The following PCLO variants were observed in gnomAD, a reference collection of about 807,000 sequenced individuals.
PCLO encodes piccolo presynaptic cytomatrix protein.
PCLO carries 82 observed loss-of-function variants against 427.5 expected under a neutral mutation model. The observed-to-expected ratio is 0.19, with a 90% CI of 0.16 to 0.23. The LOEUF (loss-of-function observed/expected upper bound fraction) is 0.23. Among genes scored for constraint, PCLO ranks in the 10% least tolerant of loss-of-function variants. PCLO has a pLI of 1.00. For missense variants in PCLO, 6,239 were observed against 6,115.9 expected (o/e 1.02, Z -0.67); for synonymous variants, 2,357 against 2,155.4 (o/e 1.09, Z -2.59).
chr7:82,913,092 G>C (rs1794361224), intron 7 of PCLO, among the ~76,000 whole-genome samples: 1 of 151,904 alleles, frequency 6.6e-6, no homozygotes, highest in South Asian at 2.1e-4. Context: ...TTCTTGCAAT[G>C]TACATTTATT....
At chr7:82,930,772 C>CA (rs1448221595) in intron 6 of PCLO, among the ~76,000 whole-genome samples, 1 of 151,970 alleles carries the variant, frequency 6.6e-6, no homozygotes, top group Non-Finnish European at 1.5e-5. Context: ...TACTTAAAGT[C>CA]AAAAAATGTT....
rs1413552270 is a variant in PCLO at position 83,155,061 on chromosome 7, G to T, written c.1580C>A (p.Thr527Lys). Reference sequence around the variant, plus strand: ...GCCAGGCTGTTGAGATGGGGGTTTTGTTGAGCCAGGCTGTTGAGGTGAGGG... The same window carrying T: ...GCCAGGCTGTTGAGATGGGGGTTTTTTTGAGCCAGGCTGTTGAGGTGAGGG... ...AKPSPQQPGS[T>K]KPPSQQPGSA... is the part of the protein sequence containing the mutation. Residue 527 changes from threonine to lysine, a missense_variant, in exon 2 of 25, where the codon ACA (threonine) becomes AAA (lysine). This residue lies in a region of PCLO where 4,677 missense variants were observed against 4,468.4 expected (regional missense o/e 1.05). Coordinates refer to ENST00000333891, the MANE Select transcript of PCLO (RefSeq NM_033026.6). 6.2e-7 allele frequency: 1 copy of T among 1,613,280 alleles called. No individual in the cohort carries two copies. The highest frequency in any genetic ancestry group is 2.2e-5 in the East Asian group (1 of 44,828).
intron 10 of PCLO, among the ~76,000 whole-genome samples, chr7:82,876,517 A>C (rs1793377106): frequency 6.6e-6 from 1 of 151,422 alleles, no homozygotes; most frequent in African/African-American, 2.4e-5. Flanking sequence ...CAGTAAATGT[A>C]CTGGTCTAAA....
At chr7:82,908,541 A>C (rs1794246277) in intron 8 of PCLO, among the ~76,000 whole-genome samples, 2 of 152,098 alleles carry the variant, frequency 1.3e-5, no homozygotes, top group Admixed American at 1.3e-4. Flanking sequence ...AAAGCACTGA[A>C]AATTACCCAA....
intron 3 of PCLO, among the ~76,000 whole-genome samples, chr7:82,981,250 A>G (rs1475876630): frequency 6.6e-6 from 1 of 152,044 alleles, no homozygotes; most frequent in Non-Finnish European, 1.5e-5. Flanking sequence ...ATTAAAAAAA[A>G]AAAAGATTCA....
intron 3 of PCLO, among the ~76,000 whole-genome samples, chr7:83,034,637 T>G (rs1407577145): frequency 6.6e-6 from 1 of 152,252 alleles, no homozygotes; most frequent in Non-Finnish European, 1.5e-5. Context: ...ACATATTGGA[T>G]GTATCAATCT....
chr7:82,794,257 GT>G (rs992430473), intron 22 of PCLO, among the ~76,000 whole-genome samples: 3 of 151,574 alleles, frequency 2.0e-5, no homozygotes, highest in Admixed American at 6.6e-5. Context: ...GTTTTCTTTA[GT>G]TTAAAGAAAT....
At chr7:82,961,160 A>AATTAAT (rs1321877242) in intron 4 of PCLO, among the ~76,000 whole-genome samples, 1 of 152,234 alleles carries the variant, frequency 6.6e-6, no homozygotes, top group African/African-American at 2.4e-5. Context: ...AATAAAAACT[A>AATTAAT]ATTAATAAAT....
Position 82,952,277 on chromosome 7 carries a change from G to T in PCLO, c.8676C>A (p.Ile2892=). The T allele has an allele frequency of 6.2e-7, 1 of 1,613,944 alleles. No individual in the cohort carries two copies. The highest frequency in any genetic ancestry group is 8.5e-7 in the Non-Finnish European group (1 of 1,179,854). Residue 2892 remains isoleucine (I), a synonymous_variant, in exon 5 of 25, where the codon ATC becomes ATA. Transcript: ENST00000333891. ...TGAGATCCACTACTTCCCCATCAGT[G>T]ATTCCCTGGGATACGGTGCTATCAG... ...GWTDSTVSQG[I]TDGEVVDLST... is the part of the protein sequence containing the mutation.
At chr7:83,060,896 A>G (rs903759736) in intron 3 of PCLO, among the ~76,000 whole-genome samples, 3 of 152,218 alleles carry the variant, frequency 2.0e-5, no homozygotes, top group Admixed American at 1.3e-4. Flanking sequence ...CACTGCTATC[A>G]GTCACAAACT....
intron 3 of PCLO, among the ~76,000 whole-genome samples, chr7:83,068,360 A>G (rs950909191): frequency 3.3e-5 from 5 of 152,162 alleles, no homozygotes; most frequent in African/African-American, 1.2e-4. Context: ...CACATATTTT[A>G]TAAGGGATTA....
chr7:82,880,563 G>A (rs1793481996), intron 9 of PCLO: 1 of 213,186 alleles, frequency 4.7e-6, no homozygotes, highest in Admixed American at 4.8e-5. Context: ...CTCAAATGGG[G>A]GTGACTTTTC....
At chr7:83,051,496 C>T (rs1283687731) in intron 3 of PCLO, among the ~76,000 whole-genome samples, 4 of 152,062 alleles carry the variant, frequency 2.6e-5, no homozygotes, top group Non-Finnish European at 4.4e-5. Flanking sequence ...ATAAATCTAA[C>T]AATTATGTAA....
chr7:83,140,833 A>C (rs1427456274), intron 2 of PCLO, among the ~76,000 whole-genome samples: 1 of 152,244 alleles, frequency 6.6e-6, no homozygotes, highest in African/African-American at 2.4e-5. Context: ...TACTTCCAAA[A>C]TTAAACCTTT....
intron 3 of PCLO, among the ~76,000 whole-genome samples, chr7:83,028,830 C>T (rs1174791239): frequency 4.6e-5 from 7 of 151,242 alleles, no homozygotes; most frequent in Non-Finnish European, 1.0e-4. Flanking sequence ...TGATCTTTGA[C>T]AAACCTGAGA....
chr7:82,934,583 T>C (rs1186597922), intron 6 of PCLO, among the ~76,000 whole-genome samples: 1 of 151,722 alleles, frequency 6.6e-6, no homozygotes, highest in Non-Finnish European at 1.5e-5. Flanking sequence ...GAAACTGCAG[T>C]GTTGAGATTT....
chr7:83,025,450 T>G (rs1255201783), intron 3 of PCLO, among the ~76,000 whole-genome samples: 1 of 151,236 alleles, frequency 6.6e-6, no homozygotes, highest in Non-Finnish European at 1.5e-5. Context: ...AATATGGGAC[T>G]ATGTGAAAAG....
chr7:82,841,444 T>TA lies in PCLO; in HGVS notation c.14097+14dup, dbSNP rs1018736250. 1.3e-6 allele frequency: 2 copies of TA among 1,578,146 alleles called. No homozygotes were observed. Among genetic ancestry groups the TA allele is most frequent in the Non-Finnish European group, 1.7e-6 (2 of 1,148,668 alleles). On this transcript the variant is annotated intron_variant, in intron 14 of 24. Transcript: ENST00000333891. ...AAAAGGTTATATAATGGCGACTTTT[T>TA]AAAAAACTTCATACCTGAATTTCTC...
chr7:82,801,053 A>C (rs1791336875), intron 22 of PCLO, among the ~76,000 whole-genome samples: 1 of 151,324 alleles, frequency 6.6e-6, no homozygotes, highest in South Asian at 2.1e-4. Flanking sequence ...TTGTCTTTAG[A>C]AGTTAGTTTA....
Sources: gnomAD v4.1 joint callset for allele counts (sites outside exome capture counted in the v4.1 genomes callset) on GRCh38, gnomAD v4.1.1 for gene constraint, gnomAD v4.1.1 regional missense constraint, MANE v1.5 for transcripts, NCBI Gene and HGNC (gene_info 2026-07-23, HGNC 2026-07-21) for gene names.